The following SHISA6 variants were observed in gnomAD, a reference collection of about 807,000 sequenced individuals.
The protein encoded by SHISA6 is protein shisa-6.
A neutral mutation model predicts 47.9 loss-of-function variants in SHISA6; 22 were observed. The ratio of observed to expected loss-of-function variants is 0.46; its 90% confidence interval spans 0.33 to 0.66. The LOEUF (loss-of-function observed/expected upper bound fraction) is 0.66. Among genes scored for constraint, SHISA6 ranks in the 30% least tolerant of loss-of-function variants. SHISA6 has a pLI of 0.02. For missense variants in SHISA6, 680 were observed against 764.6 expected, an observed-to-expected ratio of 0.89 and a Z score of 1.30; for synonymous variants, 388 against 337.8, an observed-to-expected ratio of 1.15 and a Z score of -1.63.
chr17:11,434,460 AG>A (rs1377227361), intron 3 of SHISA6, among the ~76,000 whole-genome samples: 2 of 152,204 alleles, frequency 1.3e-5, no homozygotes, highest in African/African-American at 4.8e-5. Flanking sequence ...GTCTAATACC[AG>A]TGCACGCTGT....
At chr17:11,245,739 G>A (rs1462479882) in intron 1 of SHISA6, among the ~76,000 whole-genome samples, 3 of 124,860 alleles carry the variant, frequency 2.4e-5, no homozygotes, top group Non-Finnish European at 5.3e-5. Flanking sequence ...ATCAAAGAAT[G>A]TGGGCAGGGT....
At chr17:11,242,827 C>G (rs964759178) in intron 1 of SHISA6, among the ~76,000 whole-genome samples, 1 of 152,174 alleles carries the variant, frequency 6.6e-6, no homozygotes, top group Non-Finnish European at 1.5e-5. Flanking sequence ...CTATGGCAGT[C>G]CCTGGTTGCA....
At chr17:11,444,180 G>A (rs149308011) in intron 3 of SHISA6, among the ~76,000 whole-genome samples, 6,132 of 152,204 alleles carry the variant, frequency 0.04, 147 homozygotes, top group Middle Eastern at 0.068. Flanking sequence ...TTAGCTAGGC[G>A]TGGTGGCACA....
chr17:11,434,531 T>A (rs1914881678), intron 3 of SHISA6, among the ~76,000 whole-genome samples: 1 of 152,216 alleles, frequency 6.6e-6, no homozygotes. Context: ...TTTACAGATT[T>A]ATAAAGATAG....
intron 3 of SHISA6, among the ~76,000 whole-genome samples, chr17:11,413,416 C>T (rs1914193497): frequency 2.6e-5 from 4 of 152,198 alleles, no homozygotes; most frequent in Admixed American, 2.6e-4. Context: ...ATTGCCCAGA[C>T]ATTCAAGGAA....
Position 11,401,093 on chromosome 17 carries a change from G to C in SHISA6, c.895+21584G>C, listed in dbSNP as rs369060352. Among the ~76,000 whole-genome samples, 9 of 152,322 alleles carry C rather than the reference G, an allele frequency of 5.9e-5. No homozygotes were observed. The East Asian group carries it at 7.7e-4, about 13-fold the overall frequency. Reference sequence around the variant, plus strand: ...CTAGACTAGCTTTATGGAGCACAGAGACTAGGCCTTACCTGGGAACTCTAT... The same window carrying C: ...CTAGACTAGCTTTATGGAGCACAGACACTAGGCCTTACCTGGGAACTCTAT... On this transcript the variant is annotated intron_variant, in intron 3 of 5. Transcript: ENST00000441885.
At chr17:11,555,695 G>C (rs1030055) in intron 4 of SHISA6, 45 bp from the exon 5 acceptor site, 976,278 of 1,473,724 alleles carry the variant, frequency 0.66, 326,412 homozygotes, top group East Asian at 0.87. Flanking sequence ...ACCTGCCACA[G>C]ACATGGTCCT....
At chr17:11,536,796 A>G (rs2071791939) in intron 3 of SHISA6, among the ~76,000 whole-genome samples, 1 of 152,110 alleles carries the variant, frequency 6.6e-6, no homozygotes, top group Non-Finnish European at 1.5e-5. Context: ...TCCCATGGGT[A>G]TGATTTAAAT....
In SHISA6 at chr17:11,277,318, A is replaced by ACACACACACC. The variant is rs1389004430; in HGVS notation, c.799+13793_799+13794insACACACACCC. On this transcript the variant is annotated intron_variant, in intron 2 of 5. Coordinates refer to ENST00000441885, the MANE Select transcript of SHISA6 (RefSeq NM_207386.4). The stretch of plus-strand genomic sequence containing the variant: ...CACACACACACACACACACACACAC[A>ACACACACACC]CCCCGCATGTACGTATACAGACTTT... 2.8e-3 allele frequency among the ~76,000 whole-genome samples: 356 copies of ACACACACACC among 127,906 alleles called. 5 individuals are homozygous for ACACACACACC. Among genetic ancestry groups the ACACACACACC allele is most frequent in the African/African-American group, 9.4e-3 (305 of 32,450 alleles). The allele number at this position is 127,906 out of a possible 152,430, so 83.9% of individuals were successfully genotyped here. A position where few individuals can be genotyped will look rare whatever the true frequency, so the allele number is the denominator to read the frequency against.
At chr17:11,350,265 C>T (rs372231856) in intron 2 of SHISA6, among the ~76,000 whole-genome samples, 1 of 78,064 alleles carries the variant, frequency 1.3e-5, no homozygotes, top group Non-Finnish European at 2.5e-5. Flanking sequence ...CTGCAAGCTC[C>T]GCCTCCCGGG....
At chr17:11,336,102 G>A (rs1393153173) in intron 2 of SHISA6, among the ~76,000 whole-genome samples, 3 of 151,836 alleles carry the variant, frequency 2.0e-5, no homozygotes, top group Non-Finnish European at 4.4e-5. Context: ...CCAGCTATTC[G>A]GGAGGCTGAG....
Position 11,241,523 on chromosome 17 carries a change from C to G in SHISA6, c.101C>G (p.Thr34Ser), listed in dbSNP as rs1399434714. 2 of 1,127,830 alleles carry G rather than the reference C, an allele frequency of 1.8e-6. No homozygotes were observed. Among genetic ancestry groups the G allele is most frequent in the Non-Finnish European group, 2.2e-6 (2 of 920,044 alleles). The allele number at this position is 1,127,830 out of a possible 1,614,324, so 69.9% of individuals were successfully genotyped here. Reference protein sequence around the residue: ...HGARGRAANRTLSAGGAAVGG... With the variant: ...HGARGRAANRSLSAGGAAVGG... ...GCCCGCGGCCGCGCCGCCAACCGGA[C>G]CCTGAGTGCAGGCGGCGCTGCCGTC... is the stretch of plus-strand genomic sequence containing the variant. Residue 34 changes from threonine (T) to serine (S), a missense_variant, in exon 1 of 6, where the codon ACC becomes AGC. Coordinates refer to ENST00000441885, the MANE Select transcript of SHISA6 (RefSeq NM_207386.4). The surrounding 1 kb of genome is among the most constrained non-coding windows in gnomAD (Gnocchi z 5.5).
chr17:11,360,281 C>T (rs1048011263), intron 2 of SHISA6, among the ~76,000 whole-genome samples: 12 of 152,058 alleles, frequency 7.9e-5, no homozygotes, highest in Admixed American at 2.6e-4. Context: ...ACACATGGGC[C>T]GGGCATGGTG....
At chr17:11,517,916 GTCC>G (rs983981239) in intron 3 of SHISA6, among the ~76,000 whole-genome samples, 1 of 152,050 alleles carries the variant, frequency 6.6e-6, no homozygotes, top group African/African-American at 2.4e-5. Context: ...GGGTAGAGCT[GTCC>G]TCCTGAGATG....
intron 2 of SHISA6, among the ~76,000 whole-genome samples, chr17:11,329,222 C>T (rs895528585): frequency 1.3e-5 from 2 of 152,138 alleles, no homozygotes; most frequent in African/African-American, 4.8e-5. Context: ...CATCAAGTGA[C>T]CTATGAAGAC....
intron 1 of SHISA6, among the ~76,000 whole-genome samples, chr17:11,253,172 G>C (rs1268020719): frequency 1.3e-5 from 2 of 152,116 alleles, no homozygotes; most frequent in Non-Finnish European, 2.9e-5. Context: ...TTTGATTCCT[G>C]TTCAGTTCTG....
intron 3 of SHISA6, among the ~76,000 whole-genome samples, chr17:11,496,053 G>T (rs563771293): frequency 4.9e-4 from 74 of 151,708 alleles, no homozygotes; most frequent in Admixed American, 2.4e-3. Flanking sequence ...ATTAATGATG[G>T]CCTACTCTGT....
intron 1 of SHISA6, among the ~76,000 whole-genome samples, chr17:11,246,263 G>A (rs553609443): frequency 1.3e-4 from 20 of 152,298 alleles, no homozygotes; most frequent in African/African-American, 4.8e-4. Flanking sequence ...GGCCAGAGTG[G>A]GTGGATCATT....
chr17:11,447,760 CT>C (rs1390412159), intron 3 of SHISA6, among the ~76,000 whole-genome samples: 1 of 152,216 alleles, frequency 6.6e-6, no homozygotes, highest in African/African-American at 2.4e-5. Context: ...AATGAAGTTT[CT>C]GCCCGTTTCC....
Sources: gnomAD v4.1 joint callset for allele counts (sites outside exome capture counted in the v4.1 genomes callset) on GRCh38, gnomAD v4.1.1 for gene constraint, Gnocchi (gnomAD v3.1) non-coding constraint, MANE v1.5 for transcripts, NCBI Gene and HGNC (gene_info 2026-07-23, HGNC 2026-07-21) for gene names.